SPATA13: variants seen among roughly 807,000 people sequenced by gnomAD.
The protein encoded by SPATA13 is spermatogenesis-associated protein 13.
Under a neutral mutation model 104.0 loss-of-function variants are expected in SPATA13, and 50 were observed. The observed-to-expected ratio is 0.48, with a 90% confidence interval of 0.38 to 0.61. The LOEUF (loss-of-function observed/expected upper bound fraction) is 0.61. SPATA13 is among the 20% of genes least tolerant of loss of function. The pLI, the probability that SPATA13 is intolerant of heterozygous loss-of-function variation, is 0.00. For missense variants in SPATA13, 1,524 were observed against 1,690.6 expected (o/e 0.90, Z 1.73); for synonymous variants, 606 against 667.5 (o/e 0.91, Z 1.42).
upstream of SPATA13, among the ~76,000 whole-genome samples, chr13:24,157,785 G>C (rs1882309174): frequency 6.6e-6 from 1 of 152,148 alleles, no homozygotes. Context: ...CCCCAACCCT[G>C]GGGGAGCTCA....
chr13:24,251,598 A>T, intron 3 of SPATA13, 120 bp from the exon 4 acceptor site: 1 of 1,516,648 alleles, frequency 6.6e-7, no homozygotes, highest in African/African-American at 1.4e-5. Flanking sequence ...TCGTGGCAGG[A>T]TTGGAGAAAC....
At position 24,293,661 on chromosome 13, in the gene SPATA13, C is replaced by A. The variant is rs539412621; in HGVS notation, c.3081-1078C>A. Among the ~76,000 whole-genome samples the A allele has an allele frequency of 1.7e-3, 257 of 152,226 alleles. 1 individual carries two copies. Among genetic ancestry groups the A allele is most frequent in the African/African-American group, 5.9e-3 (246 of 41,518 alleles). On this transcript the variant is annotated intron_variant, in intron 9 of 12. Coordinates refer to ENST00000382108, the MANE Select transcript of SPATA13 (RefSeq NM_001166271.3). The stretch of plus-strand genomic sequence containing the variant: ...TTGTCCAGAAAAACTTATTTTGCGA[C>A]CCTTTCTTCATTGCTGGAGGCCTCT...
At chr13:24,009,641 G>T (rs1876380390) in intron 2 of SPATA13, among the ~76,000 whole-genome samples, 1 of 152,204 alleles carries the variant, frequency 6.6e-6, no homozygotes, top group African/African-American at 2.4e-5. Flanking sequence ...ACTATCTAAA[G>T]ACCTAGAATC....
intron 3 of SPATA13, among the ~76,000 whole-genome samples, chr13:24,059,453 C>T (rs1203695092): frequency 1.4e-5 from 2 of 146,616 alleles, no homozygotes; most frequent in East Asian, 1.9e-4. Flanking sequence ...TCCAAATAGG[C>T]TTTGGCTGTA....
At chr13:24,065,337 G>A (rs536784860) in intron 3 of SPATA13, among the ~76,000 whole-genome samples, 14 of 152,240 alleles carry the variant, frequency 9.2e-5, no homozygotes, top group African/African-American at 3.4e-4. Context: ...TGTATGAGGG[G>A]TAGCAGATGG....
At position 24,160,862 on chromosome 13, in the gene SPATA13, A is replaced by G; in HGVS notation, c.-182A>G. ...GACCTCGGGGCTCCGCCGGCACCGG[A>G]GGTGGCTCTGAGGGCAGGGACGTGT... On this transcript the variant is annotated 5_prime_UTR_variant, in exon 1 of 13. Coordinates refer to ENST00000382108, the MANE Select transcript of SPATA13 (RefSeq NM_001166271.3). The G allele has an allele frequency of 3.1e-5, 31 of 984,630 alleles. No homozygotes were observed. The highest frequency in any genetic ancestry group is 3.7e-5 in the Non-Finnish European group (31 of 829,384). 61.0% of individuals were successfully genotyped at this position (984,630 alleles called of 1,614,324 possible).
chr13:24,286,663 C>T lies in SPATA13; in HGVS notation c.2482-102C>T. ...CTCAGGCGAGGGCCAGGCTGCCTTC[C>T]TAACAGGTCACAGGAAAGTAGGAAC... On this transcript the variant is annotated intron_variant, in intron 6 of 12. Coordinates refer to ENST00000382108, the MANE Select transcript of SPATA13 (RefSeq NM_001166271.3). This position sits in a 1 kb window ranked among gnomAD's most constrained non-coding sequence, Gnocchi z 4.9. 4.2e-6 allele frequency: 5 copies of T among 1,187,812 alleles called. No homozygotes were observed. The highest frequency in any genetic ancestry group is 4.7e-6 in the Non-Finnish European group (4 of 851,958). 73.6% of individuals were successfully genotyped at this position (1,187,812 alleles called of 1,614,324 possible).
intron 3 of SPATA13, among the ~76,000 whole-genome samples, chr13:24,025,485 T>C (rs993057268): frequency 6.6e-6 from 1 of 152,218 alleles, no homozygotes; most frequent in African/African-American, 2.4e-5. Context: ...AGGACATATA[T>C]TTAGGATTTG....
intron 4 of SPATA13, among the ~76,000 whole-genome samples, chr13:24,283,181 A>T (rs1875678022): frequency 6.6e-6 from 1 of 152,044 alleles, no homozygotes; most frequent in South Asian, 2.1e-4. Context: ...ACTGGGGAGG[A>T]TCCCTTCCTC....
At chr13:24,246,585 T>G (rs2793488) in intron 2 of SPATA13, among the ~76,000 whole-genome samples, 58,228 of 152,054 alleles carry the variant, frequency 0.38, 11,414 homozygotes, top group Admixed American at 0.46. Flanking sequence ...TCAGGCCGGG[T>G]GTGGTGGCTC....
Position 24,012,503 on chromosome 13 carries a change from A to G in SPATA13, c.-146-5164A>G, listed in dbSNP as rs564966506. On this transcript the variant is annotated intron_variant, in intron 2 of 14. Coordinates refer to the SPATA13 transcript ENST00000424834. ...TACTGTCTCCAAGGAGTGGGAGAGG[A>G]CAAGCATATGGCAATTTTGATAGGC... 4.6e-5 allele frequency among the ~76,000 whole-genome samples: 7 copies of G among 152,336 alleles called. No homozygotes were observed. The East Asian group carries it at 1.2e-3, about 25-fold the overall frequency.
chr13:24,042,872 G>A (rs7999639), intron 3 of SPATA13, among the ~76,000 whole-genome samples: 71,474 of 152,018 alleles, frequency 0.47, 17,601 homozygotes, highest in African/African-American at 0.61. Flanking sequence ...GGAAACGTGC[G>A]TTTAAAAATA....
chr13:24,179,462 A>G (rs1868654730), intron 1 of SPATA13, among the ~76,000 whole-genome samples: 1 of 152,238 alleles, frequency 6.6e-6, no homozygotes, highest in South Asian at 2.1e-4. Context: ...TTGTGGTAAA[A>G]TGTATAAAAC....
intron 7 of SPATA13, 64 bp from the exon 8 acceptor site, chr13:24,288,935 G>A: frequency 3.5e-6 from 5 of 1,432,296 alleles, no homozygotes; most frequent in East Asian, 2.4e-5. Context: ...GCCTACAAAA[G>A]CTGTACTATT....
At chr13:24,041,994 TG>T (rs1329609879) in intron 3 of SPATA13, among the ~76,000 whole-genome samples, 1 of 152,218 alleles carries the variant, frequency 6.6e-6, no homozygotes, top group East Asian at 1.9e-4. Context: ...GTTTAGAAAG[TG>T]TACCAGGGAA....
chr13:24,223,228 C>G lies in SPATA13; in HGVS notation c.299C>G (p.Ser100Cys). Residue 100 changes from serine (S) to cysteine (C), a missense_variant, in exon 2 of 13, where the codon TCC becomes TGC. By Grantham distance (112) the Ser-to-Cys change is moderately radical. Around this residue, in one of 2 missense-constraint regions of SPATA13, gnomAD observed 1,089 missense variants for 1,135.9 expected, o/e 0.96. Coordinates refer to ENST00000382108, the MANE Select transcript of SPATA13 (RefSeq NM_001166271.3). ...PHSMVLVGNS[S>C]TWNTLASFRK... ...TCCATGGTCCTGGTGGGGAACTCCT[C>G]CACATGGAACACCCTCGCCTCCTTC... is the stretch of plus-strand genomic sequence containing the variant. 6.4e-7 allele frequency: 1 copy of G among 1,551,688 alleles called. No individual in the cohort carries two copies. The highest frequency in any genetic ancestry group is 8.7e-7 in the Non-Finnish European group (1 of 1,147,004).
intron 4 of SPATA13, chr13:24,278,954 T>G (rs961077219): frequency 1.1e-5 from 7 of 634,814 alleles, no homozygotes; most frequent in Admixed American, 4.8e-5. Flanking sequence ...CCTTCCCTCC[T>G]TCCTTCCTTC....
intron 1 of SPATA13, among the ~76,000 whole-genome samples, chr13:24,211,984 T>A (rs1871043850): frequency 6.6e-6 from 1 of 152,206 alleles, no homozygotes; most frequent in Non-Finnish European, 1.5e-5. Context: ...AGCTCTCTGA[T>A]GGCTGAACCT....
intron 1 of SPATA13, among the ~76,000 whole-genome samples, chr13:24,169,121 C>G (rs1882861465): frequency 6.6e-6 from 1 of 152,154 alleles, no homozygotes; most frequent in Non-Finnish European, 1.5e-5. Flanking sequence ...ATTGGGATCT[C>G]TGCGTGTCCT....
Sources: gnomAD v4.1 joint callset for allele counts (sites outside exome capture counted in the v4.1 genomes callset) on GRCh38, gnomAD v4.1.1 for gene constraint, gnomAD v4.1.1 regional missense constraint, Gnocchi (gnomAD v3.1) non-coding constraint, MANE v1.5 for transcripts, NCBI Gene and HGNC (gene_info 2026-07-23, HGNC 2026-07-21) for gene names.